The following FANCA variants were observed in gnomAD, a reference collection of about 807,000 sequenced individuals.
FANCA encodes the protein Fanconi anemia group A protein.
FANCA carries 236 observed loss-of-function variants against 194.3 expected under a neutral mutation model. The observed-to-expected ratio is 1.21, with a 90% confidence interval of 1.09 to 1.35. The LOEUF (loss-of-function observed/expected upper bound fraction) is 1.35. Among genes scored for constraint, FANCA ranks in the 40% most tolerant of loss-of-function variants. The probability of loss-of-function intolerance (pLI) is 0.00; values close to 1 mark genes in which losing one functional copy is unlikely to be tolerated. For synonymous variants in FANCA, 1,014 were observed against 715.8 expected (o/e 1.42, Z -6.65); for missense variants, 2,628 against 1,813.9 (o/e 1.45, Z -8.15).
At chr16:89,785,097 G>A (rs548811346) in intron 14 of FANCA, 133 bp from the exon 15 acceptor site, 2 of 723,490 alleles carry the variant, frequency 2.8e-6, no homozygotes, top group Non-Finnish European at 5.0e-6. Context: ...GCAGTGTCCT[G>A]TGTGGAGAGA....
At position 89,740,113 on chromosome 16, in the gene FANCA, G is replaced by C. The variant is rs762916608; in HGVS notation, c.3829-14C>G. ...GTCTGTGGTGCTCTGTAAACCGCAG[G>C]AGACCAACCCTGAGAATGGCCGACC... On this transcript the variant is annotated splice_polypyrimidine_tract_variant and intron_variant, in intron 38 of 42. Transcript: ENST00000389301. The C allele has an allele frequency of 1.2e-5, 20 of 1,611,008 alleles. No individual in the cohort carries two copies. The highest frequency in any genetic ancestry group is 5.0e-5 in the Admixed American group (3 of 60,000).
intron 20 of FANCA, among the ~76,000 whole-genome samples, chr16:89,777,183 C>T (rs376959063): frequency 1.3e-5 from 2 of 151,334 alleles, no homozygotes; most frequent in Admixed American, 6.6e-5. Flanking sequence ...CTAGACCCTG[C>T]TACTTGGGAG....
intron 24 of FANCA, 91 bp from the exon 25 acceptor site, chr16:89,770,350 G>A: frequency 1.6e-6 from 2 of 1,244,440 alleles, no homozygotes; most frequent in Non-Finnish European, 2.3e-6. Flanking sequence ...GCCGAAGAAA[G>A]AGCCAAGCTG....
intron 8 of FANCA, among the ~76,000 whole-genome samples, chr16:89,802,247 T>C (rs1344335704): frequency 6.6e-6 from 1 of 150,562 alleles, no homozygotes; most frequent in Non-Finnish European, 1.5e-5. Flanking sequence ...ACTACAGGCA[T>C]GTGCCACCAC....
chr16:89,808,651 C>G (rs1288554150), intron 5 of FANCA, among the ~76,000 whole-genome samples: 1 of 152,182 alleles, frequency 6.6e-6, no homozygotes, highest in African/African-American at 2.4e-5. Flanking sequence ...CTAACCCTTT[C>G]TCCACACTAC....
At chr16:89,764,784 C>T in intron 28 of FANCA, 106 bp downstream of exon 28, 1 of 1,326,514 alleles carries the variant, frequency 7.5e-7, no homozygotes, top group African/African-American at 1.4e-5. Context: ...TGGCATGATG[C>T]AGGGGAAGGA....
intron 17 of FANCA, among the ~76,000 whole-genome samples, chr16:89,782,321 C>A (rs1488363341): frequency 2.6e-5 from 4 of 151,610 alleles, no homozygotes; most frequent in Admixed American, 2.0e-4. Flanking sequence ...ACCATTCTGG[C>A]TAACATGGCG....
At chr16:89,755,834 C>T (rs896741880) in intron 30 of FANCA, among the ~76,000 whole-genome samples, 6 of 152,014 alleles carry the variant, frequency 3.9e-5, no homozygotes, top group African/African-American at 9.7e-5. Flanking sequence ...CAGAGCCCCC[C>T]GCACACCTAG....
At chr16:89,766,238 G>A (rs900803680) in intron 27 of FANCA, among the ~76,000 whole-genome samples, 3 of 151,428 alleles carry the variant, frequency 2.0e-5, no homozygotes, top group African/African-American at 7.3e-5. Context: ...CTCATGATCT[G>A]CCCGCCTCGG....
At chr16:89,806,577 T>C (rs2143642175) in intron 6 of FANCA, among the ~76,000 whole-genome samples, 1 of 152,054 alleles carries the variant, frequency 6.6e-6, no homozygotes, top group Non-Finnish European at 1.5e-5. Context: ...CCTTCAAGCA[T>C]CTGTTTAACA....
intron 29 of FANCA, among the ~76,000 whole-genome samples, chr16:89,761,161 T>C (rs1003832720): frequency 6.6e-6 from 1 of 152,222 alleles, no homozygotes; most frequent in Non-Finnish European, 1.5e-5. Context: ...GGCTCACGCC[T>C]GTAATGCCAG....
chr16:89,769,068 C>A (rs981676255), intron 26 of FANCA, among the ~76,000 whole-genome samples: 4 of 152,338 alleles, frequency 2.6e-5, no homozygotes, highest in South Asian at 2.1e-4. Context: ...GACTCCCTCT[C>A]CTTGCTCCAC....
At chr16:89,798,870 C>T in intron 10 of FANCA, 1 of 1,556,434 alleles carries the variant, frequency 6.4e-7, no homozygotes, top group Non-Finnish European at 8.6e-7. Flanking sequence ...GGAGACTCCA[C>T]ACAGGAGGAG....
rs775351812 is a variant in FANCA at position 89,739,216 on chromosome 16, A to C, written c.4084T>G (p.Leu1362Val). ...AFLHVAVDMY[L>V]KLVQLFVAGD... ...GCCACGAAGAGCTGGACCAGCTTCA[A>C]GTACATGTCCACAGCAACATGCAGG... The change falls in exon 41 of 43, where the codon TTG (leucine) becomes GTG (valine). Residue 1362 changes from leucine (L) to valine (V), a missense_variant. By Grantham distance (32) the Leu-to-Val change is conservative. Coordinates refer to ENST00000389301, the MANE Select transcript of FANCA (RefSeq NM_000135.4). The C allele has an allele frequency of 6.2e-7, 1 of 1,614,164 alleles. No individual in the cohort carries two copies. The highest frequency in any genetic ancestry group is 1.3e-5 in the African/African-American group (1 of 75,054).
At chr16:89,753,446 G>A (rs918101513) in intron 30 of FANCA, among the ~76,000 whole-genome samples, 1 of 152,132 alleles carries the variant, frequency 6.6e-6, no homozygotes, top group South Asian at 2.1e-4. Context: ...ACCCTCCGGG[G>A]CTGGTCCCTA....
intron 5 of FANCA, 186 bp downstream of exon 5, chr16:89,810,521 A>T (rs1300468570): frequency 1.6e-6 from 1 of 611,608 alleles, no homozygotes; most frequent in East Asian, 2.8e-5. Context: ...AGGGACAAAA[A>T]ATGGCAATTG....
chr16:89,783,088 G>A lies in FANCA; in HGVS notation c.1485C>T (p.His495=), dbSNP rs773084743. Residue 495 remains histidine (H), a synonymous_variant, in exon 16 of 43, where the codon CAC becomes CAT. Transcript: ENST00000389301. ...SPRYLQVHIL[H]PPLVPGKYRS... ...GGTACTTGCCGGGAACCAGGGGTGG[G>A]TGGAGAATGTGCACCTGAGGATAGA... 1.4e-5 allele frequency: 22 copies of A among 1,613,140 alleles called. No individual in the cohort carries two copies. Among genetic ancestry groups the A allele is most frequent in the Non-Finnish European group, 1.8e-5 (21 of 1,179,328 alleles).
intron 37 of FANCA, 132 bp downstream of exon 37, chr16:89,742,653 CAAAAAAAAAAAAAAA>C (rs749345470): frequency 3.6e-6 from 1 of 274,614 alleles, no homozygotes; most frequent in African/African-American, 4.5e-5. Flanking sequence ...ACTAAAAATA[CAAAAAAAAAAAAAAA>C]AAAAAAAAGT....
At chr16:89,751,978 G>C (rs2038610405) in intron 31 of FANCA, among the ~76,000 whole-genome samples, 160 bp downstream of exon 31, 2 of 151,944 alleles carry the variant, frequency 1.3e-5, no homozygotes, top group South Asian at 2.1e-4. Context: ...CATCGTGTTA[G>C]CCAGCATGGT....
Sources: allele counts gnomAD v4.1 joint callset (sites outside exome capture counted in the v4.1 genomes callset), GRCh38; gene constraint gnomAD v4.1.1; transcripts MANE v1.5; gene names NCBI Gene and HGNC (gene_info 2026-07-23, HGNC 2026-07-21).